NDST3: variants seen among roughly 807,000 people sequenced by gnomAD.
NDST3 encodes bifunctional heparan sulfate N-deacetylase/N-sulfotransferase 3.
NDST3 carries 58 observed loss-of-function variants against 96.1 expected under a neutral mutation model. The ratio of observed to expected loss-of-function variants is 0.60; its 90% CI spans 0.49 to 0.75. The LOEUF is 0.75. NDST3 is among the 30% of genes least tolerant of loss of function. The pLI, the probability that NDST3 is intolerant of heterozygous loss-of-function variation, is 0.00. For missense variants in NDST3, 788 were observed against 1,034.2 expected, an observed-to-expected ratio of 0.76 and a Z score of 3.27; for synonymous variants, 333 against 359.7, an observed-to-expected ratio of 0.93 and a Z score of 0.84.
At chr4:118,192,411 T>C (rs1368188359) in intron 6 of NDST3, among the ~76,000 whole-genome samples, 2 of 152,218 alleles carry the variant, frequency 1.3e-5, no homozygotes, top group Non-Finnish European at 2.9e-5. Context: ...GTTTCACAGT[T>C]TGAGGTCTCA....
intron 8 of NDST3, among the ~76,000 whole-genome samples, chr4:118,232,255 C>A (rs1003710431): frequency 1.1e-4 from 16 of 151,854 alleles, no homozygotes; most frequent in Non-Finnish European, 2.1e-4. Flanking sequence ...GCCTTATTAC[C>A]GTCAAAATGT....
At chr4:118,221,917 C>T (rs1739570655) in intron 6 of NDST3, among the ~76,000 whole-genome samples, 1 of 151,468 alleles carries the variant, frequency 6.6e-6, no homozygotes, top group Non-Finnish European at 1.5e-5. Context: ...GCAATTGTCA[C>T]TTCTATTGAC....
intron 1 of NDST3, among the ~76,000 whole-genome samples, chr4:118,035,190 T>G (rs972512578): frequency 6.6e-6 from 1 of 152,154 alleles, no homozygotes; most frequent in Non-Finnish European, 1.5e-5. Flanking sequence ...ACTCAGATCC[T>G]TTTTCAAATA....
intron 6 of NDST3, among the ~76,000 whole-genome samples, chr4:118,160,831 C>T (rs966504753): frequency 1.3e-5 from 2 of 152,038 alleles, no homozygotes; most frequent in African/African-American, 2.4e-5. Flanking sequence ...TCCTGTAGCT[C>T]GGAGTAGTTT....
chr4:118,097,819 G>A (rs1729464920), intron 2 of NDST3, among the ~76,000 whole-genome samples: 1 of 151,544 alleles, frequency 6.6e-6, no homozygotes, highest in South Asian at 2.1e-4. Context: ...ATCTTTATGA[G>A]TTTATTGCCT....
intron 6 of NDST3, among the ~76,000 whole-genome samples, chr4:118,187,985 G>A (rs1737075431): frequency 6.6e-6 from 1 of 152,148 alleles, no homozygotes; most frequent in South Asian, 2.1e-4. Flanking sequence ...ATTGTCCTCA[G>A]TCAGTGGACC....
At chr4:118,084,522 T>C (rs1416387876) in intron 2 of NDST3, among the ~76,000 whole-genome samples, 1 of 152,174 alleles carries the variant, frequency 6.6e-6, no homozygotes, top group Non-Finnish European at 1.5e-5. Flanking sequence ...GAAATCTCTC[T>C]CAGGAACTTT....
intron 6 of NDST3, among the ~76,000 whole-genome samples, chr4:118,199,877 T>A (rs1737951780): frequency 6.6e-6 from 1 of 152,110 alleles, no homozygotes; most frequent in African/African-American, 2.4e-5. Flanking sequence ...GAGACTCTGG[T>A]TCTCTTCCTT....
intron 4 of NDST3, among the ~76,000 whole-genome samples, chr4:118,126,537 C>CATATATATATATATACACATAT (rs1553933946): frequency 2.1e-3 from 43 of 20,334 alleles, no homozygotes; most frequent in African/African-American, 3.0e-3. Context: ...TATATATACA[C>CATATATATATATATACACATAT]ATATATATAT....
intron 2 of NDST3, among the ~76,000 whole-genome samples, chr4:118,076,165 G>T (rs1396792325): frequency 6.6e-6 from 1 of 152,170 alleles, no homozygotes. Context: ...TGAAAGGTCT[G>T]CTGTTAGCCT....
Position 118,061,896 on chromosome 4 carries a change from G to A in NDST3, c.981+7005G>A, listed in dbSNP as rs577354344. On this transcript the variant is annotated intron_variant, in intron 2 of 13. Coordinates refer to ENST00000296499, the MANE Select transcript of NDST3 (RefSeq NM_004784.3). Reference sequence around the variant, plus strand: ...CCAGAGTAGGTTCAGAGACTCCAGCGCAGCCACATGGTGGAAGAAGATTTA... The same window carrying A: ...CCAGAGTAGGTTCAGAGACTCCAGCACAGCCACATGGTGGAAGAAGATTTA... 7.1e-4 allele frequency among the ~76,000 whole-genome samples: 108 copies of A among 152,258 alleles called. 1 individual carries two copies. In the South Asian group the frequency reaches 0.019, roughly 27 times the overall value.
chr4:118,173,060 G>A (rs1275855537), intron 6 of NDST3, among the ~76,000 whole-genome samples: 3 of 151,920 alleles, frequency 2.0e-5, no homozygotes, highest in Non-Finnish European at 4.4e-5. Context: ...AATCTACTTT[G>A]TGCCAGGCAA....
At chr4:118,124,611 C>G (rs1285229136) in intron 4 of NDST3, among the ~76,000 whole-genome samples, 1 of 151,986 alleles carries the variant, frequency 6.6e-6, no homozygotes, top group Non-Finnish European at 1.5e-5. Context: ...ATGATAGTAT[C>G]CTACTCTCTA....
At chr4:118,238,145 GAAAAGAA>G (rs1298517251) in intron 10 of NDST3, among the ~76,000 whole-genome samples, 23,462 of 120,252 alleles carry the variant, frequency 0.2, 3,729 homozygotes, top group Middle Eastern at 0.29. Context: ...GAGAGAGAGA[GAAAAGAA>G]AGAAAAGAAA....
At chr4:118,094,205 CAT>C (rs1384967900) in intron 2 of NDST3, among the ~76,000 whole-genome samples, 2 of 151,868 alleles carry the variant, frequency 1.3e-5, no homozygotes, top group African/African-American at 4.8e-5. Context: ...GTTCTGATCT[CAT>C]AGGCATTTTG....
intron 6 of NDST3, among the ~76,000 whole-genome samples, chr4:118,153,279 G>A (rs1193624802): frequency 6.6e-6 from 1 of 152,044 alleles, no homozygotes; most frequent in East Asian, 1.9e-4. Flanking sequence ...TACCCACTTG[G>A]AATGCAAGTT....
At chr4:118,102,089 GA>G (rs1294900900) in intron 2 of NDST3, among the ~76,000 whole-genome samples, 1 of 151,252 alleles carries the variant, frequency 6.6e-6, no homozygotes, top group Non-Finnish European at 1.5e-5. Context: ...TATTTATTGA[GA>G]AAAAATGGAA....
At chr4:118,115,083 G>T in intron 4 of NDST3, 123 bp downstream of exon 4, 8 of 1,018,834 alleles carry the variant, frequency 7.9e-6, no homozygotes, top group Non-Finnish European at 1.1e-5. Flanking sequence ...GGAATATTTT[G>T]GTATTGCCGC....
At chr4:118,238,145 G>A (rs1288092831) in intron 10 of NDST3, among the ~76,000 whole-genome samples, 1 of 121,346 alleles carries the variant, frequency 8.2e-6, no homozygotes, top group Non-Finnish European at 1.7e-5. Flanking sequence ...GAGAGAGAGA[G>A]AAAAGAAAGA....
Sources: allele counts gnomAD v4.1 joint callset (sites outside exome capture counted in the v4.1 genomes callset), GRCh38; gene constraint gnomAD v4.1.1; transcripts MANE v1.5; gene names NCBI Gene and HGNC (gene_info 2026-07-23, HGNC 2026-07-21).